IQSEC1: variants seen among roughly 807,000 people sequenced by gnomAD.
The protein encoded by IQSEC1 is IQ motif and SEC7 domain-containing protein 1.
In IQSEC1, 31 loss-of-function variants were observed where a neutral mutation model predicts 91.0. The observed-to-expected ratio is 0.34, with a 90% CI of 0.26 to 0.46. The LOEUF is 0.46. Among genes scored for constraint, IQSEC1 ranks in the 20% least tolerant of loss-of-function variants. The pLI is 1.00. For missense variants in IQSEC1, 1,388 were observed against 1,575.6 expected, an observed-to-expected ratio of 0.88 and a Z score of 2.02; for synonymous variants, 699 against 662.6, an observed-to-expected ratio of 1.05 and a Z score of -0.84.
rs1341464319 is a variant in IQSEC1 at position 13,207,340 on chromosome 3, G to T, written c.273-43207C>A. ...AACAGCTTCCGCTCCAACACCCATC[G>T]CCAATCTGCCTACTTCTCCCCCTCC... On this transcript the variant is annotated intron_variant, in intron 1 of 15. Transcript: ENST00000648114. This position sits in a 1 kb window ranked among gnomAD's most constrained non-coding sequence, Gnocchi z 4.8. Among the ~76,000 whole-genome samples, 1 of 152,006 alleles carries T rather than the reference G, an allele frequency of 6.6e-6. No individual in the cohort carries two copies. The highest frequency in any genetic ancestry group is 1.9e-4 in the East Asian group (1 of 5,162).
intron 1 of IQSEC1, among the ~76,000 whole-genome samples, chr3:13,250,410 C>T (rs905852693): frequency 6.6e-6 from 1 of 150,436 alleles, no homozygotes; most frequent in African/African-American, 2.5e-5. Flanking sequence ...GTGCTATCAG[C>T]CCCACTTTCC....
At chr3:12,957,865 G>C (rs1441361112) in intron 1 of IQSEC1, among the ~76,000 whole-genome samples, 1 of 152,208 alleles carries the variant, frequency 6.6e-6, no homozygotes, top group Non-Finnish European at 1.5e-5. Flanking sequence ...ATGAACTACG[G>C]TGACACATCA....
At chr3:13,254,133 C>A (rs1228325885) in intron 1 of IQSEC1, among the ~76,000 whole-genome samples, 1 of 152,254 alleles carries the variant, frequency 6.6e-6, no homozygotes, top group African/African-American at 2.4e-5. Context: ...CAACGCTGCC[C>A]TCTGACCTCA....
At chr3:12,931,971 C>A (rs1697715369) in intron 3 of IQSEC1, among the ~76,000 whole-genome samples, 1 of 152,254 alleles carries the variant, frequency 6.6e-6, no homozygotes, top group African/African-American at 2.4e-5. Flanking sequence ...CTTCTCACTC[C>A]TTTTTGAGGG....
At chr3:13,015,777 C>T (rs998298886) in intron 1 of IQSEC1, 1 of 970,636 alleles carries the variant, frequency 1.0e-6, no homozygotes, top group African/African-American at 1.8e-5. Flanking sequence ...ACCTGCCCTC[C>T]AAAAGGCCCC....
At chr3:12,954,083 C>G (rs1699742476) in intron 1 of IQSEC1, among the ~76,000 whole-genome samples, 1 of 152,244 alleles carries the variant, frequency 6.6e-6, no homozygotes, top group African/African-American at 2.4e-5. Flanking sequence ...GCCAAGGCAG[C>G]CCTTGTCCTG....
chr3:12,950,029 G>C (rs1244707691), intron 1 of IQSEC1, among the ~76,000 whole-genome samples: 2 of 152,180 alleles, frequency 1.3e-5, no homozygotes, highest in Non-Finnish European at 2.9e-5. Flanking sequence ...GCTGGGGCTG[G>C]GTCACCCACA....
chr3:12,987,699 A>G (rs2125615059), intron 1 of IQSEC1, among the ~76,000 whole-genome samples: 1 of 152,358 alleles, frequency 6.6e-6, no homozygotes, highest in East Asian at 1.9e-4. Context: ...TGGATAACTG[A>G]CGAAGGATTA....
At chr3:13,016,515 C>A (rs1449944322) in intron 1 of IQSEC1, among the ~76,000 whole-genome samples, 1 of 152,186 alleles carries the variant, frequency 6.6e-6, no homozygotes, top group African/African-American at 2.4e-5. Flanking sequence ...AACTTTCAAG[C>A]CCTCTCCAGG....
intron 1 of IQSEC1, among the ~76,000 whole-genome samples, chr3:13,270,500 T>C (rs1459786296): frequency 6.6e-6 from 1 of 152,166 alleles, no homozygotes; most frequent in Non-Finnish European, 1.5e-5. Flanking sequence ...CCAGCTTTCT[T>C]CTCTGGGGCC....
At chr3:12,973,842 A>C (rs1178159022) in intron 1 of IQSEC1, among the ~76,000 whole-genome samples, 2 of 152,134 alleles carry the variant, frequency 1.3e-5, no homozygotes, top group African/African-American at 4.8e-5. Context: ...TGAGGCTCAC[A>C]GAAGCAGGGA....
chr3:13,266,534 C>T (rs1442007071), intron 1 of IQSEC1, among the ~76,000 whole-genome samples: 2 of 151,774 alleles, frequency 1.3e-5, no homozygotes, highest in African/African-American at 2.4e-5. Flanking sequence ...ACCCACACAG[C>T]GTGCACAGAG....
Position 12,915,090 on chromosome 3 carries a change from A to T in IQSEC1, c.2190+14T>A. On this transcript the variant is annotated intron_variant, in intron 8 of 13. Transcript: ENST00000613206. ...GCGGGCTACCCACAAAGGTAAAACCAGAGAAATACTCACACAGCCGAGCCC... is the reference window on the plus strand; with the variant it reads ...GCGGGCTACCCACAAAGGTAAAACCTGAGAAATACTCACACAGCCGAGCCC... 1.2e-6 allele frequency: 2 copies of T among 1,601,712 alleles called. No individual in the cohort carries two copies. Among genetic ancestry groups the T allele is most frequent in the Non-Finnish European group, 8.5e-7 (1 of 1,173,138 alleles).
At chr3:13,152,662 G>A (rs911123144) in intron 2 of IQSEC1, among the ~76,000 whole-genome samples, 4 of 152,202 alleles carry the variant, frequency 2.6e-5, no homozygotes, top group African/African-American at 7.2e-5. Context: ...CCTGAGGTCC[G>A]GAGTTTGAGA....
At position 13,091,184 on chromosome 3, in the gene IQSEC1, C is replaced by T. The variant is rs547625437; in HGVS notation, c.303-43662G>A. 4.0e-4 allele frequency among the ~76,000 whole-genome samples: 61 copies of T among 152,310 alleles called. No individual in the cohort carries two copies. In the South Asian group the frequency reaches 0.011, roughly 28 times the overall value. ...GCCCACCTCTGTCCTGCACTCCCTA[C>T]GCCATCGCTCACTCAGGTGCATGCC... On this transcript the variant is annotated intron_variant, in intron 2 of 15. Transcript: ENST00000648114.
At chr3:13,088,004 A>G (rs966826970) in intron 2 of IQSEC1, among the ~76,000 whole-genome samples, 3 of 152,180 alleles carry the variant, frequency 2.0e-5, no homozygotes, top group Non-Finnish European at 4.4e-5. Context: ...TAACTTCCCA[A>G]TGCATGAACT....
At chr3:13,069,626 C>T (rs1335123255) in intron 1 of IQSEC1, among the ~76,000 whole-genome samples, 2 of 152,226 alleles carry the variant, frequency 1.3e-5, no homozygotes, top group African/African-American at 2.4e-5. Flanking sequence ...AATGATTGAA[C>T]AGGCATGGGT....
intron 1 of IQSEC1, chr3:13,052,931 C>T: frequency 1.1e-6 from 1 of 925,488 alleles, no homozygotes; most frequent in African/African-American, 1.6e-5. Flanking sequence ...GACCTTGAGA[C>T]AGCATCAATA....
chr3:13,277,946 A>G (rs1695721434), intron 1 of IQSEC1, among the ~76,000 whole-genome samples: 1 of 152,098 alleles, frequency 6.6e-6, no homozygotes, highest in Admixed American at 6.6e-5. Flanking sequence ...GGCTCCCGGC[A>G]GGACCCTCCT....
Sources: gnomAD v4.1 joint callset for allele counts (sites outside exome capture counted in the v4.1 genomes callset) on GRCh38, gnomAD v4.1.1 for gene constraint, Gnocchi (gnomAD v3.1) non-coding constraint, MANE v1.5 for transcripts, NCBI Gene and HGNC (gene_info 2026-07-23, HGNC 2026-07-21) for gene names.